Variants in PEBP4 observed in about 807,000 individuals in gnomAD.
The protein encoded by PEBP4 is phosphatidylethanolamine-binding protein 4.
In PEBP4, 22 loss-of-function variants were observed where a neutral mutation model predicts 23.9. That is an observed-to-expected ratio of 0.92 (90% confidence interval 0.66 to 1.31). The LOEUF (loss-of-function observed/expected upper bound fraction) is 1.31. Ranked by LOEUF, PEBP4 falls within the 40% of genes most tolerant of loss-of-function variation. The probability of loss-of-function intolerance (pLI) is 0.00; values close to 1 mark genes in which losing one functional copy is unlikely to be tolerated. For synonymous variants in PEBP4, 112 were observed against 99.3 expected, an observed-to-expected ratio of 1.13 and a Z score of -0.76; for missense variants, 324 against 281.7, an observed-to-expected ratio of 1.15 and a Z score of -1.07.
chr8:22,717,031 C>A (rs1280946885), intron 6 of PEBP4, among the ~76,000 whole-genome samples: 1 of 152,220 alleles, frequency 6.6e-6, no homozygotes, highest in African/African-American at 2.4e-5. Flanking sequence ...GACAAGGTCC[C>A]CACCCCTAGT....
chr8:22,784,951 G>A (rs1046821851), intron 4 of PEBP4, among the ~76,000 whole-genome samples: 2 of 152,200 alleles, frequency 1.3e-5, no homozygotes, highest in East Asian at 1.9e-4. Flanking sequence ...CACCTTTTGC[G>A]GGTGCTGGGG....
At chr8:22,733,356 G>A (rs1188632815) in intron 4 of PEBP4, among the ~76,000 whole-genome samples, 4 of 152,182 alleles carry the variant, frequency 2.6e-5, no homozygotes, top group African/African-American at 7.2e-5. Flanking sequence ...GTCCCCGTAG[G>A]GACAGAGAGC....
At chr8:22,855,245 G>A (rs1448712236) in intron 3 of PEBP4, among the ~76,000 whole-genome samples, 1 of 152,172 alleles carries the variant, frequency 6.6e-6, no homozygotes, top group East Asian at 1.9e-4. Flanking sequence ...TGGGGTGAAT[G>A]TGTCGGTGCA....
At chr8:22,765,017 G>T (rs534714641) in intron 4 of PEBP4, among the ~76,000 whole-genome samples, 2 of 151,974 alleles carry the variant, frequency 1.3e-5, no homozygotes, top group Non-Finnish European at 2.9e-5. Context: ...TGCAAATCGC[G>T]GTTCTGCCAG....
intron 4 of PEBP4, among the ~76,000 whole-genome samples, chr8:22,807,520 T>C (rs1422438044): frequency 6.6e-6 from 1 of 152,190 alleles, no homozygotes; most frequent in East Asian, 1.9e-4. Context: ...AAACTCTTAG[T>C]AGATGTTTGC....
At chr8:22,932,044 C>CA (rs1809465321), upstream of PEBP4, among the ~76,000 whole-genome samples, 1 of 152,254 alleles carries the variant, frequency 6.6e-6, no homozygotes, top group Non-Finnish European at 1.5e-5. Flanking sequence ...CCTGCTCCCA[C>CA]TCTACTCTCA....
intron 3 of PEBP4, among the ~76,000 whole-genome samples, chr8:22,853,437 A>C (rs1278265804): frequency 6.6e-6 from 1 of 152,224 alleles, no homozygotes; most frequent in African/African-American, 2.4e-5. Flanking sequence ...TTTACTGCAA[A>C]GTTCTTACAT....
chr8:22,791,601 TC>T (rs904268569), intron 4 of PEBP4, among the ~76,000 whole-genome samples: 57 of 152,132 alleles, frequency 3.7e-4, no homozygotes, highest in African/African-American at 1.3e-3. Context: ...CATTTTAGGG[TC>T]CTCTACATAT....
At chr8:22,730,180 T>C (rs1804702053) in intron 4 of PEBP4, among the ~76,000 whole-genome samples, 1 of 152,176 alleles carries the variant, frequency 6.6e-6, no homozygotes, top group South Asian at 2.1e-4. Context: ...GGAGATATTA[T>C]CTGGAGGGCT....
intron 4 of PEBP4, among the ~76,000 whole-genome samples, chr8:22,800,492 C>T (rs920463523): frequency 8.6e-5 from 13 of 151,982 alleles, no homozygotes; most frequent in East Asian, 7.7e-4. Context: ...GCCCTGTCCC[C>T]GCTTCAGGCA....
At chr8:22,802,991 C>T (rs1806419545) in intron 4 of PEBP4, among the ~76,000 whole-genome samples, 1 of 152,146 alleles carries the variant, frequency 6.6e-6, no homozygotes, top group Admixed American at 6.5e-5. Context: ...ACATGTCTTC[C>T]CCATCCTGGC....
At chr8:22,811,979 ATTC>A (rs1185717825) in intron 4 of PEBP4, among the ~76,000 whole-genome samples, 2 of 152,250 alleles carry the variant, frequency 1.3e-5, no homozygotes, top group African/African-American at 4.8e-5. Context: ...AAGTCCTACT[ATTC>A]TGTGTCAGAA....
intron 6 of PEBP4, among the ~76,000 whole-genome samples, chr8:22,720,351 G>T (rs189119703): frequency 6.6e-6 from 1 of 152,310 alleles, no homozygotes; most frequent in African/African-American, 2.4e-5. Flanking sequence ...GCCAGCAGCC[G>T]GGACTGGTGC....
rs117260935 is a variant in PEBP4 at position 22,770,906 on chromosome 8, A to C, written c.358-43686T>G. Among the ~76,000 whole-genome samples the C allele has an allele frequency of 6.4e-4, 98 of 152,360 alleles. 3 individuals carry two copies. The East Asian group carries it at 0.018, about 27-fold the overall frequency. ...TTCTGATGCTACCACTTTCTTGAGCAAGTCACCTAAATTTTCCAAGCCTCA... is the reference window on the plus strand; with the variant it reads ...TTCTGATGCTACCACTTTCTTGAGCCAGTCACCTAAATTTTCCAAGCCTCA... On this transcript the variant is annotated intron_variant, in intron 4 of 6. Transcript: ENST00000256404.
At chr8:22,934,720 A>G (rs1449642762) in intron 1 of PEBP4, among the ~76,000 whole-genome samples, 1 of 152,194 alleles carries the variant, frequency 6.6e-6, no homozygotes, top group Non-Finnish European at 1.5e-5. Flanking sequence ...ACATACAGAA[A>G]ACAAATAACA....
chr8:22,814,952 T>C (rs1203497469), intron 4 of PEBP4: 4 of 152,060 alleles, frequency 2.6e-5, no homozygotes, highest in African/African-American at 9.7e-5. Context: ...TAGTGGCTCC[T>C]TGTCCTAGTG....
At chr8:22,733,316 T>C (rs577069521) in intron 4 of PEBP4, among the ~76,000 whole-genome samples, 4 of 152,158 alleles carry the variant, frequency 2.6e-5, no homozygotes, top group South Asian at 2.1e-4. Context: ...ACTTGAGCCA[T>C]CCCTACTTAA....
intron 4 of PEBP4, among the ~76,000 whole-genome samples, chr8:22,730,953 G>A (rs941344773): frequency 2.0e-5 from 3 of 152,054 alleles, no homozygotes; most frequent in African/African-American, 4.8e-5. Flanking sequence ...TCACACCTTC[G>A]GCCTCCTCAC....
intron 3 of PEBP4, among the ~76,000 whole-genome samples, chr8:22,826,702 T>C (rs534835759): frequency 6.6e-6 from 1 of 152,296 alleles, no homozygotes; most frequent in African/African-American, 2.4e-5. Flanking sequence ...GAAAATAAGA[T>C]ATTTCTTCAC....
Sources: gnomAD v4.1 joint callset for allele counts (sites outside exome capture counted in the v4.1 genomes callset) on GRCh38, gnomAD v4.1.1 for gene constraint, MANE v1.5 for transcripts, NCBI Gene and HGNC (gene_info 2026-07-23, HGNC 2026-07-21) for gene names.